Variants in SVEP1 observed in about 807,000 individuals in gnomAD.
SVEP1 encodes the protein sushi, von Willebrand factor type A, EGF and pentraxin domain containing 1.
A neutral mutation model predicts 367.3 loss-of-function variants in SVEP1; 164 were observed. The observed-to-expected ratio is 0.45, with a 90% CI of 0.39 to 0.51. The LOEUF (loss-of-function observed/expected upper bound fraction) is 0.51. Among genes scored for constraint, SVEP1 ranks in the 20% least tolerant of loss-of-function variants. The probability of loss-of-function intolerance (pLI) is 0.00; values close to 1 mark genes in which losing one functional copy is unlikely to be tolerated. For missense variants in SVEP1, 4,117 were observed against 4,425.3 expected, an observed-to-expected ratio of 0.93 and a Z score of 1.98; for synonymous variants, 1,666 against 1,611.6, an observed-to-expected ratio of 1.03 and a Z score of -0.81.
chr9:110,576,305 T>G (rs1830626692), intron 1 of SVEP1, among the ~76,000 whole-genome samples: 1 of 151,830 alleles, frequency 6.6e-6, no homozygotes, highest in Non-Finnish European at 1.5e-5. Flanking sequence ...AAAATAATGA[T>G]AGTAGAAATA....
chr9:110,481,747 C>G (rs1829193057), intron 11 of SVEP1, among the ~76,000 whole-genome samples: 1 of 152,088 alleles, frequency 6.6e-6, no homozygotes, highest in Non-Finnish European at 1.5e-5. Context: ...GAGTCTTGCT[C>G]TGTCACCCAG....
rs554530313 is a variant in SVEP1 at position 110,373,996 on chromosome 9, C to CT, written c.10600+1371dup. 4.0e-3 allele frequency among the ~76,000 whole-genome samples: 610 copies of CT among 152,056 alleles called. 3 individuals are homozygous for CT. The highest frequency in any genetic ancestry group is 0.014 in the African/African-American group (584 of 41,462). ...ATTTTTCCATTTCTTTTCCTTTAAA[C>CT]TTTTTTTTAACTTTTATTTTAGGTT... On this transcript the variant is annotated intron_variant, in intron 46 of 47. Coordinates refer to ENST00000374469, the MANE Select transcript of SVEP1 (RefSeq NM_153366.4).
Position 110,579,021 on chromosome 9 carries a change from G to C in SVEP1, c.523C>G (p.Gln175Glu). The change falls in exon 1 of 48, where the codon CAA (glutamine) becomes GAA (glutamate). Residue 175 changes from glutamine (Q) to glutamate (E), a missense_variant. By Grantham distance (29) the Gln-to-Glu change is conservative. Transcript: ENST00000374469. The surrounding 1 kb of genome is among the most constrained non-coding windows in gnomAD (Gnocchi z 5.3). ...GGTYTKGAFQ[Q>E]AAQILLHARE... ...AGGGGCGGGCGCCTTACCGCGGCTTGCTGGAAGGCGCCCTTGGTGTAGGTG... is the reference window on the plus strand; with the variant it reads ...AGGGGCGGGCGCCTTACCGCGGCTTCCTGGAAGGCGCCCTTGGTGTAGGTG... 1 of 1,546,864 alleles carries C rather than the reference G, an allele frequency of 6.5e-7. No individual in the cohort carries two copies. The highest frequency in any genetic ancestry group is 8.7e-7 in the Non-Finnish European group (1 of 1,146,500).
rs550413521 is a variant in SVEP1 at position 110,436,928 on chromosome 9, C to CT, written c.4640-425dup. 8.5e-4 allele frequency among the ~76,000 whole-genome samples: 129 copies of CT among 152,300 alleles called. No homozygotes were observed. In the South Asian group the frequency reaches 0.015, roughly 17 times the overall value. ...AGAACTTTCTAAAGTTGCCAGGAGT[C>CT]TCGTAATTGCCAAATTCAATAAAAA... On this transcript the variant is annotated intron_variant, in intron 27 of 47. Transcript: ENST00000374469.
At chr9:110,494,260 G>A (rs1392748139) in intron 8 of SVEP1, among the ~76,000 whole-genome samples, 1 of 152,202 alleles carries the variant, frequency 6.6e-6, no homozygotes, top group Admixed American at 6.5e-5. Context: ...GCCAGAGACA[G>A]AGACGGGGAG....
chr9:110,426,704 A>C (rs572948062), intron 36 of SVEP1, among the ~76,000 whole-genome samples: 29 of 152,044 alleles, frequency 1.9e-4, no homozygotes, highest in Non-Finnish European at 3.8e-4. Context: ...ACCCCTCCAT[A>C]CTTTATTGGT....
At chr9:110,393,706 T>C (rs565560997) in intron 40 of SVEP1, among the ~76,000 whole-genome samples, 1 of 152,208 alleles carries the variant, frequency 6.6e-6, no homozygotes, top group African/African-American at 2.4e-5. Flanking sequence ...AACCAGGAGA[T>C]TATATCCCGC....
chr9:110,432,149 T>G, intron 31 of SVEP1, 115 bp from the exon 32 acceptor site: 2 of 1,164,462 alleles, frequency 1.7e-6, no homozygotes, highest in Non-Finnish European at 2.4e-6. Context: ...CTTCATATAT[T>G]TGTATAGAAT....
intron 28 of SVEP1, 114 bp from the exon 29 acceptor site, chr9:110,435,478 G>C (rs1157377370): frequency 8.1e-7 from 1 of 1,232,018 alleles, no homozygotes; most frequent in Non-Finnish European, 1.1e-6. Context: ...GATGGGGGTG[G>C]AGGGAAGCAG....
intron 26 of SVEP1, among the ~76,000 whole-genome samples, chr9:110,445,105 G>T (rs116906150): frequency 0.055 from 8,314 of 152,264 alleles, 352 homozygotes; most frequent in Admixed American, 0.12. Context: ...CGGAAGTTAT[G>T]AACCTGAAGT....
intron 28 of SVEP1, 90 bp from the exon 29 acceptor site, chr9:110,435,454 A>G: frequency 6.8e-7 from 1 of 1,473,852 alleles, no homozygotes; most frequent in Non-Finnish European, 9.1e-7. Flanking sequence ...GAAAACATTC[A>G]CAGATTTTTT....
intron 42 of SVEP1, among the ~76,000 whole-genome samples, chr9:110,386,419 C>A (rs746059302): frequency 1.5e-4 from 23 of 152,216 alleles, no homozygotes; most frequent in Non-Finnish European, 2.6e-4. Flanking sequence ...TACTAGAAAT[C>A]AAGGGGTATA....
chr9:110,435,485 G>T, intron 28 of SVEP1, 121 bp from the exon 29 acceptor site: 1 of 1,165,138 alleles, frequency 8.6e-7, no homozygotes, highest in Non-Finnish European at 1.2e-6. Flanking sequence ...GTGGAGGGAA[G>T]CAGGTATGAT....
In SVEP1 at chr9:110,550,073, G is replaced by A; in HGVS notation, c.563C>T (p.Thr188Ile). The change falls in exon 2 of 48, where the codon ACA becomes ATA. Residue 188 changes from threonine to isoleucine, a missense_variant. Transcript: ENST00000374469. ...ATCAGTGATGAGAAATACAACTTTT[G>A]TTGAGTTTTCTCTAGCATGAAGAAG... Reference protein sequence around the residue: ...QILLHARENSTKVVFLITDGY... With the variant: ...QILLHARENSIKVVFLITDGY... 2 of 1,613,998 alleles carry A rather than the reference G, an allele frequency of 1.2e-6. No individual in the cohort carries two copies.
chr9:110,492,656 T>C (rs1281891750), intron 8 of SVEP1, among the ~76,000 whole-genome samples: 1 of 151,186 alleles, frequency 6.6e-6, no homozygotes, highest in Non-Finnish European at 1.5e-5. Context: ...TTGGGTAGAG[T>C]GTTGGGATAT....
intron 9 of SVEP1, among the ~76,000 whole-genome samples, chr9:110,488,009 C>G (rs4387050): frequency 0.43 from 65,400 of 151,940 alleles, 14,793 homozygotes; most frequent in Non-Finnish European, 0.5. Flanking sequence ...TACGGTAAAC[C>G]AGGCTCAAAA....
At position 110,472,246 on chromosome 9, in the gene SVEP1, T is replaced by C. The variant is rs1356763401; in HGVS notation, c.2677A>G (p.Thr893Ala). ...DFLDTVQETA[T>A]SIGNAKSSRI... The stretch of plus-strand genomic sequence containing the variant: ...GAGGACTTGGCATTGCCGATGCTTG[T>C]GGCTGTTTCTTGCACAGTGTCCAGG... Residue 893 changes from threonine to alanine, a missense_variant, in exon 15 of 48, where the codon ACA becomes GCA. Transcript: ENST00000374469. 1 of 1,613,756 alleles carries C rather than the reference T, an allele frequency of 6.2e-7. No homozygotes were observed. Among genetic ancestry groups the C allele is most frequent in the East Asian group, 2.2e-5 (1 of 44,870 alleles).
chr9:110,492,409 C>T (rs1206580665), intron 8 of SVEP1, among the ~76,000 whole-genome samples: 4 of 152,098 alleles, frequency 2.6e-5, no homozygotes, highest in South Asian at 2.1e-4. Flanking sequence ...TGATAATTTA[C>T]TCCTTTTACT....
intron 1 of SVEP1, among the ~76,000 whole-genome samples, chr9:110,558,513 CAA>C (rs59604799): frequency 0.016 from 1,431 of 90,772 alleles, 7 homozygotes; most frequent in African/African-American, 0.048. Flanking sequence ...GACCCTGTCT[CAA>C]AAAAAAAAAA....
Sources: allele counts gnomAD v4.1 joint callset (sites outside exome capture counted in the v4.1 genomes callset), GRCh38; gene constraint gnomAD v4.1.1; non-coding constraint Gnocchi (gnomAD v3.1); transcripts MANE v1.5; gene names NCBI Gene and HGNC (gene_info 2026-07-23, HGNC 2026-07-21).